Variants in UBE2G2 observed in about 807,000 individuals in gnomAD.
The protein encoded by UBE2G2 is ubiquitin conjugating enzyme E2 G2.
UBE2G2 carries 10 observed loss-of-function variants against 23.0 expected under a neutral mutation model. The observed-to-expected ratio is 0.43, with a 90% CI of 0.27 to 0.74. The LOEUF is 0.74. Ranked by LOEUF, UBE2G2 falls within the 30% of genes least tolerant of loss-of-function variation. The probability of loss-of-function intolerance (pLI) is 0.19; values close to 1 mark genes in which losing one functional copy is unlikely to be tolerated. For synonymous variants in UBE2G2, 86 were observed against 81.3 expected (o/e 1.06, Z -0.31); for missense variants, 150 against 218.3 (o/e 0.69, Z 1.97).
chr21:44,788,296 TTG>T lies in UBE2G2; in HGVS notation c.44-203_44-202del, dbSNP rs1555962435. On this transcript the variant is annotated intron_variant, in intron 1 of 5. Transcript: ENST00000345496. Reference sequence around the variant, plus strand: ...TACACAAAGTTTTTTTGTTTTTTTTTTGTTTTTTTTTGAGACGGAGTCTCACT... The same window carrying T: ...TACACAAAGTTTTTTTGTTTTTTTTTTTTTTTTTTGAGACGGAGTCTCACT... Among the ~76,000 whole-genome samples the T allele has an allele frequency of 3.0e-3, 449 of 149,036 alleles. 1 individual carries two copies. Among genetic ancestry groups the T allele is most frequent in the South Asian group, 0.011 (49 of 4,604 alleles).
intron 1 of UBE2G2, among the ~76,000 whole-genome samples, chr21:44,791,280 G>A (rs1475954148): frequency 6.6e-6 from 1 of 152,170 alleles, no homozygotes; most frequent in Non-Finnish European, 1.5e-5. Context: ...CCAAGACAAT[G>A]GGGTAAATGT....
At chr21:44,778,788 T>G (rs968434930) in intron 3 of UBE2G2, among the ~76,000 whole-genome samples, 2 of 152,204 alleles carry the variant, frequency 1.3e-5, no homozygotes, top group Non-Finnish European at 2.9e-5. Context: ...GTCTACGAAC[T>G]GAAAGAACAA....
chr21:44,768,979 G>A lies in UBE2G2; in HGVS notation c.*2398C>T, dbSNP rs1050198966. 1 of 152,140 alleles carries A rather than the reference G, an allele frequency of 6.6e-6. No individual in the cohort carries two copies. The highest frequency in any genetic ancestry group is 2.4e-5 in the African/African-American group (1 of 41,408). The allele number at this position is 152,140 out of a possible 1,614,324, so 9.4% of individuals were successfully genotyped here. On this transcript the variant is annotated 3_prime_UTR_variant, in exon 6 of 6. Transcript: ENST00000345496. The stretch of plus-strand genomic sequence containing the variant: ...GAGGAATCCCAGCTGGGATGATCTG[G>A]TGTGCTCCCTGGGGGCAGTGGCCAC...
intron 1 of UBE2G2, among the ~76,000 whole-genome samples, chr21:44,792,397 G>A (rs1555963047): frequency 6.6e-6 from 1 of 152,074 alleles, no homozygotes; most frequent in African/African-American, 2.4e-5. Context: ...CCTGGTAGGA[G>A]GTGACTGGAT....
At chr21:44,773,232 A>T (rs920541280) in intron 5 of UBE2G2, among the ~76,000 whole-genome samples, 12 of 152,160 alleles carry the variant, frequency 7.9e-5, no homozygotes, top group Non-Finnish European at 1.3e-4. Flanking sequence ...GGTCTTTGTC[A>T]CACGAAGCTT....
chr21:44,795,498 G>A (rs1432737754), intron 1 of UBE2G2, among the ~76,000 whole-genome samples: 1 of 151,960 alleles, frequency 6.6e-6, no homozygotes. Flanking sequence ...TAAGCGAGGT[G>A]GCATGCAACT....
At chr21:44,792,301 G>A (rs782539699) in intron 1 of UBE2G2, among the ~76,000 whole-genome samples, 2 of 152,108 alleles carry the variant, frequency 1.3e-5, no homozygotes, top group Non-Finnish European at 2.9e-5. Flanking sequence ...TTTGGGAGGG[G>A]TAGGGGGAGA....
rs2082919901 is a variant in UBE2G2, at chr21:44,777,216, G to A, written c.244+83C>T. On this transcript the variant is annotated intron_variant, in intron 4 of 5. Transcript: ENST00000345496. ...TAAAGATCTACATCATAGACATATA[G>A]AATATACCACATTTCAGGTGGCTGA... 27 of 1,169,234 alleles carry A rather than the reference G, an allele frequency of 2.3e-5. 1 individual carries two copies. The South Asian group carries it at 3.4e-4, about 15-fold the overall frequency. The allele number at this position is 1,169,234 out of a possible 1,614,324, so 72.4% of individuals were successfully genotyped here.
intron 1 of UBE2G2, among the ~76,000 whole-genome samples, chr21:44,799,149 T>C (rs1305844614): frequency 1.3e-5 from 2 of 152,200 alleles, no homozygotes; most frequent in Non-Finnish European, 2.9e-5. Flanking sequence ...AGATGTGCTG[T>C]CATCCAGGTT....
intron 3 of UBE2G2, among the ~76,000 whole-genome samples, chr21:44,787,198 A>G (rs1281429024): frequency 6.6e-6 from 1 of 152,228 alleles, no homozygotes; most frequent in Non-Finnish European, 1.5e-5. Flanking sequence ...AAAATACACT[A>G]AGAATGGCCA....
Position 44,787,917 on chromosome 21 carries a change from T to G in UBE2G2, c.125+3A>C. 2 of 1,613,912 alleles carry G rather than the reference T, an allele frequency of 1.2e-6. No individual in the cohort carries two copies. Among genetic ancestry groups the G allele is most frequent in the Non-Finnish European group, 1.7e-6 (2 of 1,179,936 alleles). On this transcript the variant is annotated splice_donor_region_variant and intron_variant, in intron 3 of 5. Transcript: ENST00000345496. ...AAAACTAGTACACCTAAAATTAACT[T>G]ACATGATCAATGCCTCCCATTCAAA...
intron 1 of UBE2G2, among the ~76,000 whole-genome samples, chr21:44,795,117 G>A (rs1555963494): frequency 6.6e-6 from 1 of 152,146 alleles, no homozygotes; most frequent in East Asian, 1.9e-4. Flanking sequence ...ACAAAAATTA[G>A]CCAGGTGTGG....
chr21:44,788,178 TAA>T, intron 1 of UBE2G2, 83 bp from the exon 2 acceptor site: 1 of 1,333,852 alleles, frequency 7.5e-7, no homozygotes. Flanking sequence ...ACAAAATATA[TAA>T]GCCTATAAAC....
At chr21:44,790,503 G>A (rs2083034756) in intron 1 of UBE2G2, among the ~76,000 whole-genome samples, 1 of 152,190 alleles carries the variant, frequency 6.6e-6, no homozygotes, top group Admixed American at 6.5e-5. Context: ...GTTGAGGGAG[G>A]AACCTAGTGG....
In UBE2G2 at chr21:44,798,137, C is replaced by G. The variant is rs371094254; in HGVS notation, c.43+3569G>C. Among the ~76,000 whole-genome samples the G allele has an allele frequency of 1.3e-5, 2 of 152,208 alleles. 1 individual carries two copies. Among genetic ancestry groups the G allele is most frequent in the South Asian group, 4.1e-4 (2 of 4,832 alleles). ...TGCCACTGCACTCCAACCTGGGTGA[C>G]AGAGCAAGACCCTGTCTCAAAAAAT... On this transcript the variant is annotated intron_variant, in intron 1 of 5. Coordinates refer to ENST00000345496, the MANE Select transcript of UBE2G2 (RefSeq NM_003343.6).
intron 1 of UBE2G2, among the ~76,000 whole-genome samples, chr21:44,795,837 A>C (rs2083084323): frequency 6.6e-6 from 1 of 152,208 alleles, no homozygotes; most frequent in South Asian, 2.1e-4. Context: ...AAAAGCATAT[A>C]TCCACAGAAA....
chr21:44,784,910 A>G (rs1601187405), intron 3 of UBE2G2, among the ~76,000 whole-genome samples: 1 of 152,218 alleles, frequency 6.6e-6, no homozygotes, highest in Non-Finnish European at 1.5e-5. Flanking sequence ...GACACAGAGG[A>G]CAGCAAGCGC....
At chr21:44,784,715 G>T (rs782714323) in intron 3 of UBE2G2, among the ~76,000 whole-genome samples, 5 of 152,258 alleles carry the variant, frequency 3.3e-5, no homozygotes, top group Admixed American at 6.5e-5. Context: ...TGGCTGCCAT[G>T]AGCCAGCTGG....
chr21:44,801,484 G>T, intron 1 of UBE2G2: 1 of 1,114,584 alleles, frequency 9.0e-7, no homozygotes, highest in Non-Finnish European at 1.2e-6. Flanking sequence ...CGGCGCCGGC[G>T]CTGCCTTTAC....
Sources: allele counts gnomAD v4.1 joint callset (sites outside exome capture counted in the v4.1 genomes callset), GRCh38; gene constraint gnomAD v4.1.1; transcripts MANE v1.5; gene names NCBI Gene and HGNC (gene_info 2026-07-23, HGNC 2026-07-21).